Variants in TREH observed in about 807,000 individuals in gnomAD.
TREH encodes alpha,alpha-trehalose glucohydrolase.
Under a neutral mutation model 80.5 loss-of-function variants are expected in TREH, and 69 were observed. The ratio of observed to expected loss-of-function variants is 0.86; its 90% CI spans 0.71 to 1.05. The LOEUF (loss-of-function observed/expected upper bound fraction) is 1.05. Ranked by LOEUF, TREH falls within the 50% of genes least tolerant of loss-of-function variation. TREH has a pLI of 0.00. For synonymous variants in TREH, 309 were observed against 293.5 expected, an observed-to-expected ratio of 1.05 and a Z score of -0.54; for missense variants, 716 against 718.8, an observed-to-expected ratio of 1.00 and a Z score of 0.04.
chr11:118,666,156 C>G (rs532347129), intron 1 of TREH, among the ~76,000 whole-genome samples: 1 of 152,048 alleles, frequency 6.6e-6, no homozygotes, highest in African/African-American at 2.4e-5. Context: ...TTGCTTGAAC[C>G]CAGGAAGTGG....
chr11:118,660,786 A>G (rs1346842995), intron 9 of TREH, 53 bp from the exon 10 acceptor site: 2 of 1,547,454 alleles, frequency 1.3e-6, no homozygotes, highest in African/African-American at 1.4e-5. Flanking sequence ...ATAGGCAGCC[A>G]TTGACAGGAG....
Position 118,663,362 on chromosome 11 carries a change from T to C in TREH, c.167A>G (p.Asp56Gly). 6.3e-7 allele frequency: 1 copy of C among 1,595,310 alleles called. No individual in the cohort carries two copies. Among genetic ancestry groups the C allele is most frequent in the Non-Finnish European group, 8.5e-7 (1 of 1,170,776 alleles). The change falls in exon 2 of 15, where the codon GAC (aspartate) becomes GGC (glycine). Residue 56 changes from aspartate (D) to glycine (G), a missense_variant. Asp to Gly is a moderately conservative substitution (Grantham distance 94, BLOSUM62 -1). Transcript: ENST00000264029. ...KLYQDDKQFV[D>G]MPLSIAPEQV... is the part of the protein sequence containing the mutation. ...ACCTGGAGCTATAGACAGTGGCATG[T>C]CCACAAACTGCTTGTCATCCTGGTA...
chr11:118,678,654 G>A (rs542676655), intron 1 of TREH, among the ~76,000 whole-genome samples: 9 of 151,112 alleles, frequency 6.0e-5, no homozygotes, highest in East Asian at 1.9e-4. Flanking sequence ...ATGAGCCACC[G>A]TGCCCAGCTG....
chr11:118,675,543 A>T (rs782033792), intron 1 of TREH, among the ~76,000 whole-genome samples: 1 of 152,312 alleles, frequency 6.6e-6, no homozygotes, highest in South Asian at 2.1e-4. Flanking sequence ...TAGTTTTATT[A>T]TAAGAATACA....
intron 1 of TREH, among the ~76,000 whole-genome samples, chr11:118,667,205 G>A (rs1409324756): frequency 6.6e-6 from 1 of 151,306 alleles, no homozygotes; most frequent in African/African-American, 2.4e-5. Flanking sequence ...TTTAGACAAG[G>A]GTTCGCTCTA....
Position 118,660,426 on chromosome 11 carries a change from G to C in TREH, c.1102+113C>G. 7.7e-6 allele frequency: 9 copies of C among 1,162,464 alleles called. 1 individual carries two copies. The South Asian group carries it at 1.4e-4, about 18-fold the overall frequency. The allele number at this position is 1,162,464 out of a possible 1,614,324, so 72.0% of individuals were successfully genotyped here. On this transcript the variant is annotated intron_variant, in intron 10 of 14. Coordinates refer to ENST00000264029, the MANE Select transcript of TREH (RefSeq NM_007180.3). ...GCAGGCTTCCACTAGGGCGGGGCTCGACAGGCTAAGTTGCTGAAGGCCTGT... is the reference window on the plus strand; with the variant it reads ...GCAGGCTTCCACTAGGGCGGGGCTCCACAGGCTAAGTTGCTGAAGGCCTGT...
At chr11:118,666,611 C>T (rs1051013100) in intron 1 of TREH, among the ~76,000 whole-genome samples, 1 of 152,202 alleles carries the variant, frequency 6.6e-6, no homozygotes, top group Admixed American at 6.5e-5. Context: ...ACATCTACTA[C>T]GAAGGATACC....
In TREH at chr11:118,659,037, G is replaced by T; in HGVS notation, c.1433-20C>A. The T allele has an allele frequency of 6.2e-7, 1 of 1,609,584 alleles. No homozygotes were observed. Among genetic ancestry groups the T allele is most frequent in the Non-Finnish European group, 8.5e-7 (1 of 1,176,372 alleles). ...CCAGGCCTAGACCCCATTGCAGGCA[G>T]GACTCAACCTCCAGGTCTCCCATCC... On this transcript the variant is annotated intron_variant, in intron 12 of 14. Coordinates refer to ENST00000264029, the MANE Select transcript of TREH (RefSeq NM_007180.3).
At chr11:118,678,946 GTT>G (rs1185859537) in intron 1 of TREH, among the ~76,000 whole-genome samples, 1 of 152,216 alleles carries the variant, frequency 6.6e-6, no homozygotes, top group Admixed American at 6.5e-5. Context: ...GGAGCAGAAA[GTT>G]TGCTAGAACA....
At chr11:118,660,393 A>C in intron 10 of TREH, 146 bp downstream of exon 10, 4 of 772,506 alleles carry the variant, frequency 5.2e-6, no homozygotes, top group Non-Finnish European at 8.2e-6. Flanking sequence ...TGGTACGCAA[A>C]TGTGAGTGCA....
rs1555144991 is a variant in TREH, at chr11:118,661,598, T to A, written c.617+39A>T. 1.2e-6 allele frequency: 2 copies of A among 1,613,440 alleles called. No homozygotes were observed. Among genetic ancestry groups the A allele is most frequent in the South Asian group, 1.1e-5 (1 of 91,064 alleles). On this transcript the variant is annotated intron_variant, in intron 6 of 14. Transcript: ENST00000264029. The surrounding 1 kb of genome is among the most constrained non-coding windows in gnomAD (Gnocchi z 4.2). The stretch of plus-strand genomic sequence containing the variant: ...TGCATGCCCGTGGCACACCTGCCTC[T>A]CCTCCCCACCTAGGCTGGAGGTGCC...
At position 118,661,295 on chromosome 11, in the gene TREH, A is replaced by C; in HGVS notation, c.735-13T>G. ...TTCAATGTTTTCCCTGGAGTGAAGC[A>C]GACAACACCTCAGCCCAGGCGTGCT... On this transcript the variant is annotated splice_polypyrimidine_tract_variant and intron_variant, in intron 7 of 14. Coordinates refer to ENST00000264029, the MANE Select transcript of TREH (RefSeq NM_007180.3). The surrounding 1 kb of genome is among the most constrained non-coding windows in gnomAD (Gnocchi z 4.2). The C allele has an allele frequency of 6.2e-7, 1 of 1,614,004 alleles. No individual in the cohort carries two copies. Among genetic ancestry groups the C allele is most frequent in the Non-Finnish European group, 8.5e-7 (1 of 1,179,882 alleles).
intron 1 of TREH, among the ~76,000 whole-genome samples, chr11:118,670,266 T>C (rs146377746): frequency 6.6e-4 from 100 of 152,250 alleles, no homozygotes; most frequent in African/African-American, 2.3e-3. Context: ...AGCCTCACCA[T>C]GAATACCAAA....
At chr11:118,675,132 GCATGACTGCTCTTCACAC>G (rs1327049202) in intron 1 of TREH, among the ~76,000 whole-genome samples, 2 of 152,126 alleles carry the variant, frequency 1.3e-5, no homozygotes, top group Non-Finnish European at 2.9e-5. Flanking sequence ...ACTGATTGCA[GCATGACTGCTCTTCACAC>G]CATGGGTGAC....
chr11:118,662,815 GC>G (rs782173382), intron 4 of TREH, 65 bp downstream of exon 4: 2 of 1,521,678 alleles, frequency 1.3e-6, no homozygotes, highest in Non-Finnish European at 8.9e-7. Flanking sequence ...GACACTGTGG[GC>G]CCCAGGCACA....
At chr11:118,675,462 C>G (rs1448507080) in intron 1 of TREH, among the ~76,000 whole-genome samples, 1 of 152,138 alleles carries the variant, frequency 6.6e-6, no homozygotes, top group Admixed American at 6.6e-5. Context: ...TTCCCATAAC[C>G]CTTTCAGATT....
Position 118,663,398 on chromosome 11 carries a change from ATTTGAACTTGG to A in TREH, c.120_130del (p.Gln41GlyfsTer7). The A allele has an allele frequency of 6.3e-7, 1 of 1,596,854 alleles. No homozygotes were observed. Among genetic ancestry groups the A allele is most frequent in the Non-Finnish European group, 8.5e-7 (1 of 1,171,674 alleles). ...CTTGTCATCCTGGTAGAGCTTGGCC[ATTTGAACTTGG>A]TTTAGGAGCTCCCCGTGGCAGTAAA... On this transcript the variant is annotated frameshift_variant, in exon 2 of 15. Transcript: ENST00000264029. LOFTEE classifies it high-confidence loss of function.
chr11:118,675,375 C>T (rs1478522381), intron 1 of TREH, among the ~76,000 whole-genome samples: 1 of 152,180 alleles, frequency 6.6e-6, no homozygotes, highest in Non-Finnish European at 1.5e-5. Flanking sequence ...GAGACGGCCT[C>T]ACTTCTGACA....
At chr11:118,662,744 T>C in intron 4 of TREH, 137 bp downstream of exon 4, 1 of 941,276 alleles carries the variant, frequency 1.1e-6, no homozygotes, top group Admixed American at 2.5e-5. Flanking sequence ...GGGCCTCTAT[T>C]TGGGGACCCA....
Sources: allele counts gnomAD v4.1 joint callset (sites outside exome capture counted in the v4.1 genomes callset), GRCh38; gene constraint gnomAD v4.1.1; non-coding constraint Gnocchi (gnomAD v3.1); transcripts MANE v1.5; gene names NCBI Gene and HGNC (gene_info 2026-07-23, HGNC 2026-07-21).